The following RANBP17 variants were observed in gnomAD, a reference collection of about 807,000 sequenced individuals.
The protein encoded by RANBP17 is RAN binding protein 17.
In RANBP17, 158 loss-of-function variants were observed where a neutral mutation model predicts 141.2. The observed-to-expected ratio is 1.12, with a 90% confidence interval of 0.98 to 1.28. The LOEUF (loss-of-function observed/expected upper bound fraction) is 1.28. Ranked by LOEUF, RANBP17 falls within the 50% of genes most tolerant of loss-of-function variation. RANBP17 has a pLI of 0.00. For synonymous variants in RANBP17, 430 were observed against 450.0 expected (o/e 0.96, Z 0.56); for missense variants, 1,438 against 1,290.7 (o/e 1.11, Z -1.75).
intron 14 of RANBP17, among the ~76,000 whole-genome samples, chr5:171,101,315 C>A (rs1456352244): frequency 6.6e-6 from 1 of 152,120 alleles, no homozygotes; most frequent in Non-Finnish European, 1.5e-5. Context: ...AGATAGTTAG[C>A]TCTCCTTGTT....
At chr5:171,151,205 G>A (rs1758448062) in intron 14 of RANBP17, among the ~76,000 whole-genome samples, 1 of 152,094 alleles carries the variant, frequency 6.6e-6, no homozygotes, top group South Asian at 2.1e-4. Flanking sequence ...TGATTTAAAG[G>A]CATGGTGTTA....
intron 22 of RANBP17, among the ~76,000 whole-genome samples, chr5:171,238,443 G>A (rs1764677027): frequency 6.6e-6 from 1 of 152,122 alleles, no homozygotes; most frequent in East Asian, 1.9e-4. Flanking sequence ...CAATCAGGCA[G>A]TTCTTGGCCT....
intron 12 of RANBP17, among the ~76,000 whole-genome samples, chr5:170,943,638 T>TA (rs1003393311): frequency 6.6e-6 from 1 of 151,974 alleles, no homozygotes; most frequent in Non-Finnish European, 1.5e-5. Flanking sequence ...AAATGAGATT[T>TA]AAAAAAAATT....
In RANBP17 at chr5:171,108,807, A is replaced by T. The variant is rs576856541; in HGVS notation, c.1711-61323A>T. Among the ~76,000 whole-genome samples, 3 of 152,282 alleles carry T rather than the reference A, an allele frequency of 2.0e-5. No homozygotes were observed. In the East Asian group the frequency reaches 5.8e-4, roughly 29 times the overall value. Reference sequence around the variant, plus strand: ...GACTGAATTTTGCTTTTTTGGAAAAACTTGCTAGAATGTTTGTTAATCAGG... The same window carrying T: ...GACTGAATTTTGCTTTTTTGGAAAATCTTGCTAGAATGTTTGTTAATCAGG... On this transcript the variant is annotated intron_variant, in intron 14 of 27. Coordinates refer to ENST00000523189, the MANE Select transcript of RANBP17 (RefSeq NM_022897.5).
rs1198305260 is a variant in RANBP17, at chr5:171,030,676, A to G, written c.1710+62299A>G. 3.3e-5 allele frequency among the ~76,000 whole-genome samples: 5 copies of G among 152,186 alleles called. No homozygotes were observed. The East Asian group carries it at 9.6e-4, about 29-fold the overall frequency. The stretch of plus-strand genomic sequence containing the variant: ...AATTTAAATATTTAGAAATCTCAAC[A>G]TTAAACCAAGAATGTCATCCACATT... On this transcript the variant is annotated intron_variant, in intron 14 of 27. Coordinates refer to ENST00000523189, the MANE Select transcript of RANBP17 (RefSeq NM_022897.5).
chr5:170,869,259 A>G (rs1183825984), intron 1 of RANBP17, among the ~76,000 whole-genome samples: 2 of 151,928 alleles, frequency 1.3e-5, no homozygotes, highest in Admixed American at 6.6e-5. Flanking sequence ...ATCTTTCCAA[A>G]TAGGTTTATT....
intron 18 of RANBP17, among the ~76,000 whole-genome samples, chr5:171,193,830 T>G (rs982566240): frequency 6.6e-6 from 1 of 152,238 alleles, no homozygotes; most frequent in African/African-American, 2.4e-5. Context: ...AATACTTTTC[T>G]GTTTTAAAGT....
chr5:170,993,545 A>G (rs1284004948), intron 14 of RANBP17, among the ~76,000 whole-genome samples: 1 of 152,188 alleles, frequency 6.6e-6, no homozygotes, highest in African/African-American at 2.4e-5. Flanking sequence ...CAAATATGTA[A>G]TATCTCTAAG....
intron 14 of RANBP17, among the ~76,000 whole-genome samples, chr5:171,146,246 G>A (rs1483429006): frequency 6.6e-6 from 1 of 152,154 alleles, no homozygotes; most frequent in Non-Finnish European, 1.5e-5. Flanking sequence ...CAAAAATCTC[G>A]GAGCATATTG....
chr5:171,202,512 G>A (rs147152482), intron 19 of RANBP17, among the ~76,000 whole-genome samples: 3 of 152,106 alleles, frequency 2.0e-5, no homozygotes, highest in South Asian at 2.1e-4. Flanking sequence ...TTCAGCATGC[G>A]CACATTAAAA....
At chr5:170,966,310 C>T (rs545347901) in intron 13 of RANBP17, among the ~76,000 whole-genome samples, 12 of 152,208 alleles carry the variant, frequency 7.9e-5, no homozygotes, top group Non-Finnish European at 8.8e-5. Context: ...TACTGGCAAA[C>T]GAAATCCAGT....
At chr5:171,162,244 C>T (rs1759403829) in intron 14 of RANBP17, among the ~76,000 whole-genome samples, 1 of 152,154 alleles carries the variant, frequency 6.6e-6, no homozygotes, top group Non-Finnish European at 1.5e-5. Flanking sequence ...AGTGAATTGG[C>T]AGCCAACAGG....
At chr5:170,954,273 A>G (rs1775431261) in intron 13 of RANBP17, among the ~76,000 whole-genome samples, 1 of 152,190 alleles carries the variant, frequency 6.6e-6, no homozygotes, top group African/African-American at 2.4e-5. Context: ...AAATGAAAAT[A>G]AAAATTATAT....
intron 24 of RANBP17, among the ~76,000 whole-genome samples, chr5:171,262,090 G>A (rs1369692605): frequency 6.6e-6 from 1 of 152,162 alleles, no homozygotes; most frequent in African/African-American, 2.4e-5. Context: ...CAGTAGATGG[G>A]AACCTTTTAA....
At chr5:171,134,685 C>T (rs550398946) in intron 14 of RANBP17, among the ~76,000 whole-genome samples, 57 of 152,228 alleles carry the variant, frequency 3.7e-4, no homozygotes, top group Non-Finnish European at 6.3e-4. Flanking sequence ...AAGCCCAGGT[C>T]GAGGCAGGTG....
chr5:171,199,484 G>T (rs1040593858), intron 18 of RANBP17, among the ~76,000 whole-genome samples, 186 bp from the exon 19 acceptor site: 1 of 152,124 alleles, frequency 6.6e-6, no homozygotes, highest in Non-Finnish European at 1.5e-5. Flanking sequence ...TATTTCATTT[G>T]ATGCAAAAGA....
At chr5:171,057,979 A>T (rs1783522062) in intron 14 of RANBP17, among the ~76,000 whole-genome samples, 1 of 152,052 alleles carries the variant, frequency 6.6e-6, no homozygotes, top group African/African-American at 2.4e-5. Context: ...ATATTTTCAT[A>T]TTGTTGGAGA....
intron 18 of RANBP17, among the ~76,000 whole-genome samples, chr5:171,184,630 A>T (rs1761111312): frequency 6.6e-6 from 1 of 152,200 alleles, no homozygotes; most frequent in Admixed American, 6.5e-5. Flanking sequence ...TCACCACAAA[A>T]ATGGTAACTA....
At chr5:170,891,563 C>G (rs901728424) in intron 3 of RANBP17, among the ~76,000 whole-genome samples, 2 of 152,162 alleles carry the variant, frequency 1.3e-5, no homozygotes, top group Non-Finnish European at 2.9e-5. Context: ...GCTCATGGTT[C>G]TGCAGGCTGT....
Sources: gnomAD v4.1 joint callset for allele counts (sites outside exome capture counted in the v4.1 genomes callset) on GRCh38, gnomAD v4.1.1 for gene constraint, MANE v1.5 for transcripts, NCBI Gene and HGNC (gene_info 2026-07-23, HGNC 2026-07-21) for gene names.